ARHGAP6: variants seen among roughly 807,000 people sequenced by gnomAD.
ARHGAP6 encodes rho GTPase-activating protein 6.
Under a neutral mutation model 55.7 loss-of-function variants are expected in ARHGAP6, and 16 were observed. The observed-to-expected ratio is 0.29, with a 90% CI of 0.19 to 0.44. The LOEUF (loss-of-function observed/expected upper bound fraction) is 0.44. Among genes scored for constraint, ARHGAP6 ranks in the 20% least tolerant of loss-of-function variants. The pLI is 1.00. For synonymous variants in ARHGAP6, 382 were observed against 360.9 expected (o/e 1.06, Z -0.66); for missense variants, 698 against 808.9 (o/e 0.86, Z 1.66).
At chrX:11,215,389 C>A (rs2046866821) in intron 2 of ARHGAP6, among the ~76,000 whole-genome samples, 1 of 112,643 alleles carries the variant, frequency 8.9e-6, no homozygotes, top group South Asian at 3.6e-4. Context: ...CCGCGGAGTT[C>A]AGGTGTGCGC....
At chrX:11,579,620 T>C (rs1005191686) in intron 1 of ARHGAP6, among the ~76,000 whole-genome samples, 10 of 112,127 alleles carry the variant, frequency 8.9e-5, no homozygotes, top group Non-Finnish European at 1.7e-4. Context: ...GGGTCACTTA[T>C]CTGGGGGCAG....
At chrX:11,429,896 T>TGA (rs2049925130) in intron 1 of ARHGAP6, among the ~76,000 whole-genome samples, 1 of 112,146 alleles carries the variant, frequency 8.9e-6, no homozygotes, top group Non-Finnish European at 1.9e-5. Context: ...CAGGGCAGCC[T>TGA]GATGGGGGCA....
intron 1 of ARHGAP6, among the ~76,000 whole-genome samples, chrX:11,287,278 T>C: frequency 8.9e-6 from 1 of 111,989 alleles, no homozygotes; most frequent in Admixed American, 9.5e-5. Context: ...GACTTATCTA[T>C]TTCCAGTTGT....
intron 1 of ARHGAP6, among the ~76,000 whole-genome samples, chrX:11,348,227 G>A (rs2048812696): frequency 8.9e-6 from 1 of 112,071 alleles, no homozygotes; most frequent in Non-Finnish European, 1.9e-5. Flanking sequence ...TAAGATAGCT[G>A]GATATTTCAA....
At chrX:11,568,498 G>T (rs188124146) in intron 1 of ARHGAP6, among the ~76,000 whole-genome samples, 4 of 112,185 alleles carry the variant, frequency 3.6e-5, no homozygotes, top group Non-Finnish European at 5.6e-5. Flanking sequence ...CTGGCCAAAC[G>T]CAGTGGCTCA....
chrX:11,553,730 A>C (rs948025683), intron 1 of ARHGAP6, among the ~76,000 whole-genome samples: 1 of 112,097 alleles, frequency 8.9e-6, no homozygotes, highest in Non-Finnish European at 1.9e-5. Flanking sequence ...AAAGGAGCCA[A>C]ATGGATGAAT....
intron 1 of ARHGAP6, chrX:11,351,601 G>A (rs2048864651): frequency 3.1e-5 from 23 of 752,906 alleles, no homozygotes; most frequent in Non-Finnish European, 3.3e-5. Flanking sequence ...CATTCTCAAC[G>A]AGGACTCCAT....
At chrX:11,530,882 G>C (rs2051041076) in intron 1 of ARHGAP6, among the ~76,000 whole-genome samples, 1 of 111,644 alleles carries the variant, frequency 9.0e-6, no homozygotes, top group Non-Finnish European at 1.9e-5. Flanking sequence ...TGTCAGTAGA[G>C]GGTGCTCCTA....
intron 1 of ARHGAP6, among the ~76,000 whole-genome samples, chrX:11,331,428 C>T (rs190756889): frequency 5.0e-4 from 56 of 111,804 alleles, no homozygotes; most frequent in African/African-American, 1.7e-3. Context: ...GTATTCATTC[C>T]GAAGGTTTCT....
chrX:11,360,222 A>G (rs927783861), intron 1 of ARHGAP6, among the ~76,000 whole-genome samples: 1 of 112,044 alleles, frequency 8.9e-6, no homozygotes, highest in African/African-American at 3.3e-5. Flanking sequence ...ATTTTAGACC[A>G]ATATCCCTGA....
At chrX:11,618,098 G>T (rs1327818180) in intron 1 of ARHGAP6, among the ~76,000 whole-genome samples, 1 of 111,581 alleles carries the variant, frequency 9.0e-6, no homozygotes, top group East Asian at 2.8e-4. Flanking sequence ...TATACTGCTG[G>T]CTTTGAAAAT....
Position 11,142,234 on chromosome X carries a change from T to A in ARHGAP6, c.2256A>T (p.Thr752=). Residue 752 remains threonine (T), a splice_region_variant and synonymous_variant, in exon 12 of 13, where the codon ACA becomes ACT. Coordinates refer to ENST00000337414, the MANE Select transcript of ARHGAP6 (RefSeq NM_013427.3). ...TAAAGTTTAAAATTAATACTTCACC[T>A]GTCATTCCTGGGTCTTTGGATCCGC... is the stretch of plus-strand genomic sequence containing the variant. ...LKSGSKDPGM[T]GSSGDIFESS... is the part of the protein sequence containing the mutation. 2 of 1,182,209 alleles carry A rather than the reference T, an allele frequency of 1.7e-6. No homozygotes were observed. The highest frequency in any genetic ancestry group is 2.3e-6 in the Non-Finnish European group (2 of 874,997).
intron 1 of ARHGAP6, among the ~76,000 whole-genome samples, chrX:11,578,493 C>T (rs982293634): frequency 5.4e-5 from 6 of 111,851 alleles, no homozygotes; most frequent in African/African-American, 2.0e-4. Flanking sequence ...CCATCTCATA[C>T]CAGTTAGAAT....
intron 1 of ARHGAP6, among the ~76,000 whole-genome samples, chrX:11,492,655 G>C (rs1044701348): frequency 2.7e-5 from 3 of 111,583 alleles, no homozygotes; most frequent in African/African-American, 9.8e-5. Flanking sequence ...TACTAACATG[G>C]ACAATGTTGA....
intron 1 of ARHGAP6, among the ~76,000 whole-genome samples, chrX:11,312,728 T>C (rs776844437): frequency 8.9e-6 from 1 of 111,956 alleles, no homozygotes; most frequent in Non-Finnish European, 1.9e-5. Flanking sequence ...TGATTATTTT[T>C]ATCCACCCAG....
At chrX:11,570,452 GTGA>G (rs1166524195) in intron 1 of ARHGAP6, among the ~76,000 whole-genome samples, 1 of 111,559 alleles carries the variant, frequency 9.0e-6, no homozygotes, top group Non-Finnish European at 1.9e-5. Context: ...TAATAATAAT[GTGA>G]TGATGATGAT....
chrX:11,436,485 T>C (rs1409936592), intron 1 of ARHGAP6, among the ~76,000 whole-genome samples: 1 of 112,549 alleles, frequency 8.9e-6, no homozygotes, highest in Non-Finnish European at 1.9e-5. Context: ...TCAGATTTTG[T>C]CTGAATATAA....
rs2048556641 is a variant in ARHGAP6, at chrX:11,330,988, T to C, written c.589-76281A>G. On this transcript the variant is annotated intron_variant, in intron 1 of 12. Transcript: ENST00000337414. ...GCTGAGCAGCTTCAGAAGCAAAAGT[T>C]TCTCCTGACCTTCTCCTGTCCTCCT... Among the ~76,000 whole-genome samples the C allele has an allele frequency of 6.3e-5, 7 of 111,876 alleles. No individual in the cohort carries two copies. In the Admixed American group the frequency reaches 6.6e-4, roughly 11 times the overall value.
chrX:11,321,660 CAT>C lies in ARHGAP6; in HGVS notation c.589-66955_589-66954del, dbSNP rs756699273. Among the ~76,000 whole-genome samples the C allele has an allele frequency of 3.6e-5, 4 of 111,470 alleles. No homozygotes were observed. The South Asian group carries it at 1.5e-3, about 42-fold the overall frequency. ...GTAACTGTCCATCACACCAAAAATG[CAT>C]AGTTTAGCCACAGCCATTATAGCAA... On this transcript the variant is annotated intron_variant, in intron 1 of 12. Transcript: ENST00000337414.
Sources: allele counts gnomAD v4.1 joint callset (sites outside exome capture counted in the v4.1 genomes callset), GRCh38; gene constraint gnomAD v4.1.1; transcripts MANE v1.5; gene names NCBI Gene and HGNC (gene_info 2026-07-23, HGNC 2026-07-21).